Variants in TACC3 observed in about 807,000 individuals in gnomAD.
The protein encoded by TACC3 is transforming acidic coiled-coil containing protein 3, also known as transforming acidic coiled-coil-containing protein 3.
Under a neutral mutation model 86.0 loss-of-function variants are expected in TACC3, and 52 were observed. The ratio of observed to expected loss-of-function variants is 0.60; its 90% CI spans 0.48 to 0.76. The LOEUF is 0.76. TACC3 is among the 30% of genes least tolerant of loss of function. The pLI is 0.00. For synonymous variants in TACC3, 512 were observed against 430.0 expected (o/e 1.19, Z -2.36); for missense variants, 1,120 against 1,070.4 (o/e 1.05, Z -0.65).
intron 6 of TACC3, among the ~76,000 whole-genome samples, chr4:1,733,490 C>CA (rs1205845016): frequency 1.9e-4 from 22 of 118,614 alleles, no homozygotes; most frequent in African/African-American, 5.0e-4. Context: ...TCATCTCTAC[C>CA]AAAAAAAACC....
Position 1,737,787 on chromosome 4 carries a change from G to C in TACC3, c.1941+85G>C, listed in dbSNP as rs561876281. On this transcript the variant is annotated intron_variant, in intron 10 of 15. Transcript: ENST00000313288. Reference sequence around the variant, plus strand: ...ACAGTGGGCAGGGGTCCAACAGCCTGACCCGCCATCCCTGCCATCCCTGCC... The same window carrying C: ...ACAGTGGGCAGGGGTCCAACAGCCTCACCCGCCATCCCTGCCATCCCTGCC... The C allele has an allele frequency of 2.4e-6, 3 of 1,230,578 alleles. No homozygotes were observed. The East Asian group carries it at 8.1e-5, about 33-fold the overall frequency. 76.2% of individuals were successfully genotyped at this position (1,230,578 alleles called of 1,614,324 possible).
intron 9 of TACC3, 111 bp from the exon 10 acceptor site, chr4:1,737,487 T>C: frequency 9.0e-7 from 1 of 1,116,676 alleles, no homozygotes; most frequent in African/African-American, 1.6e-5. Context: ...CTCGGGTCCC[T>C]CATGCACTGT....
At chr4:1,739,642 G>A in intron 10 of TACC3, 60 bp from the exon 11 acceptor site, 4 of 1,489,074 alleles carry the variant, frequency 2.7e-6, no homozygotes, top group Non-Finnish European at 3.7e-6. Context: ...ATCCTGTGGG[G>A]AGGTCCTGGG....
At chr4:1,734,384 C>G (rs1718152050) in intron 6 of TACC3, among the ~76,000 whole-genome samples, 1 of 152,128 alleles carries the variant, frequency 6.6e-6, no homozygotes, top group Admixed American at 6.5e-5. Flanking sequence ...GACAGGGTTT[C>G]CCCATGTTGG....
intron 3 of TACC3, among the ~76,000 whole-genome samples, chr4:1,724,560 A>G (rs1717594013): frequency 6.6e-6 from 1 of 151,208 alleles, no homozygotes; most frequent in Non-Finnish European, 1.5e-5. Context: ...CTCCCGGCTA[A>G]TTTTTTAGCC....
chr4:1,739,398 A>G (rs1718450799), intron 10 of TACC3: 4 of 478,440 alleles, frequency 8.4e-6, no homozygotes, highest in South Asian at 3.3e-5. Context: ...TAGGACCCCT[A>G]GTATCTGCCA....
At chr4:1,730,438 T>C (rs559400347) in intron 4 of TACC3, 1 of 302,710 alleles carries the variant, frequency 3.3e-6, no homozygotes, top group South Asian at 2.9e-5. Context: ...ATCATATCTA[T>C]AATCTATTTC....
At position 1,744,558 on chromosome 4, in the gene TACC3, C is replaced by T; in HGVS notation, c.2264C>T (p.Ala755Val). The change falls in exon 14 of 16, where the codon GCA becomes GTA. Residue 755 changes from alanine to valine, a missense_variant. Coordinates refer to ENST00000313288, the MANE Select transcript of TACC3 (RefSeq NM_006342.3). ...AAGAAGTGCGTGGAGGATTACCTGGCAAGGATCACCCAGGAGGGCCAGAGG... is the reference window on the plus strand; with the variant it reads ...AAGAAGTGCGTGGAGGATTACCTGGTAAGGATCACCCAGGAGGGCCAGAGG... Reference protein sequence around the residue: ...SLKKCVEDYLARITQEGQRYQ... With the variant: ...SLKKCVEDYLVRITQEGQRYQ... 1 of 1,613,238 alleles carries T rather than the reference C, an allele frequency of 6.2e-7. No homozygotes were observed. The highest frequency in any genetic ancestry group is 8.5e-7 in the Non-Finnish European group (1 of 1,179,978).
chr4:1,729,886 T>G (rs921421443), intron 4 of TACC3, among the ~76,000 whole-genome samples: 1 of 152,080 alleles, frequency 6.6e-6, no homozygotes, highest in Non-Finnish European at 1.5e-5. Context: ...AACGGGTGCC[T>G]TCCCAAGTGC....
intron 12 of TACC3, chr4:1,740,439 G>T: frequency 3.1e-6 from 1 of 326,130 alleles, no homozygotes; most frequent in Non-Finnish European, 5.7e-6. Flanking sequence ...TCTGTCTTAG[G>T]CTGAGTGTCA....
In TACC3 at chr4:1,727,708, C is replaced by T. The variant is rs1717758337; in HGVS notation, c.306C>T (p.Asn102=). The change falls in exon 4 of 16, where the codon AAC becomes AAT. Residue 102 remains asparagine (N), a splice_region_variant and synonymous_variant. Coordinates refer to ENST00000313288, the MANE Select transcript of TACC3 (RefSeq NM_006342.3). ...ACGTTGATTAAGTCTCTTTTAAAAG[C>T]CAACAGCTCATCAAGGAAGTGGATG... ...NSHPVWTQKE[N]QQLIKEVDAK... The T allele has an allele frequency of 6.3e-7, 1 of 1,575,496 alleles. No individual in the cohort carries two copies. The highest frequency in any genetic ancestry group is 2.2e-5 in the East Asian group (1 of 44,522).
intron 6 of TACC3, among the ~76,000 whole-genome samples, chr4:1,733,502 T>C (rs1718103570): frequency 1.5e-5 from 1 of 68,198 alleles, no homozygotes; most frequent in Non-Finnish European, 3.6e-5. Flanking sequence ...AAAAAAACCT[T>C]TTTTTTTATT....
In TACC3 at chr4:1,723,580, G is replaced by A. The variant is rs777648354; in HGVS notation, c.159G>A (p.Met53Ile). 2 of 1,613,010 alleles carry A rather than the reference G, an allele frequency of 1.2e-6. No homozygotes were observed. Among genetic ancestry groups the A allele is most frequent in the Non-Finnish European group, 1.7e-6 (2 of 1,179,518 alleles). Reference protein sequence around the residue: ...NVPPKNLAKAMKVTFQTPLRD... With the variant: ...NVPPKNLAKAIKVTFQTPLRD... ...CACCCAAGAACCTGGCCAAAGCTATGAAGGTAAGTGTGACCTGTACAGTGT... is the reference window on the plus strand; with the variant it reads ...CACCCAAGAACCTGGCCAAAGCTATAAAGGTAAGTGTGACCTGTACAGTGT... Residue 53 changes from methionine to isoleucine, a missense_variant, in exon 2 of 16, where the codon ATG becomes ATA. Met to Ile is a conservative substitution (Grantham distance 10). Coordinates refer to ENST00000313288, the MANE Select transcript of TACC3 (RefSeq NM_006342.3).
intron 13 of TACC3, chr4:1,741,840 G>A (rs577097868): frequency 3.9e-5 from 6 of 152,370 alleles, no homozygotes; most frequent in African/African-American, 9.6e-5. Flanking sequence ...AGGGAAGAAG[G>A]TATCTTATGC....
At chr4:1,733,927 G>A (rs527597400) in intron 6 of TACC3, among the ~76,000 whole-genome samples, 6 of 150,326 alleles carry the variant, frequency 4.0e-5, no homozygotes, top group Non-Finnish European at 7.4e-5. Context: ...GCAGTGAGCC[G>A]AGATGGCGCC....
rs780748378 is a variant in TACC3, at chr4:1,728,215, A to G, written c.813A>G (p.Glu271=). ...GGAPLQGLPG[E]ALGCPAGVGT... is the part of the protein sequence containing the mutation. ...CACCCCTGCAGGGTCTGCCTGGCGAAGCCCTGGGCTGCCCTGCGGGTGTGG... is the reference window on the plus strand; with the variant it reads ...CACCCCTGCAGGGTCTGCCTGGCGAGGCCCTGGGCTGCCCTGCGGGTGTGG... Residue 271 remains glutamate, a synonymous_variant, in exon 4 of 16, where the codon GAA becomes GAG. Coordinates refer to ENST00000313288, the MANE Select transcript of TACC3 (RefSeq NM_006342.3). 1 of 1,612,110 alleles carries G rather than the reference A, an allele frequency of 6.2e-7. No homozygotes were observed. Among genetic ancestry groups the G allele is most frequent in the Admixed American group, 1.7e-5 (1 of 59,940 alleles).
chr4:1,738,089 C>T (rs28557273), intron 10 of TACC3: 10,592 of 357,420 alleles, frequency 0.03, 267 homozygotes, highest in South Asian at 0.069. Flanking sequence ...GCTCCATCTT[C>T]ACCCACCCCA....
Position 1,739,974 on chromosome 4 carries a change from GT to G in TACC3, c.2036del (p.Phe679SerfsTer27). 1.2e-6 allele frequency: 2 copies of G among 1,613,126 alleles called. No homozygotes were observed. Among genetic ancestry groups the G allele is most frequent in the Non-Finnish European group, 1.7e-6 (2 of 1,180,016 alleles). On this transcript the variant is annotated frameshift_variant, in exon 12 of 16. Transcript: ENST00000313288. LOFTEE classifies it high-confidence loss of function. ...CCTCCCACAGGAAGATCATGGACAG[GT>G]TCGAAGAGGTTGTGTACCAGGCCAT... ...NLELGKIMDR[F>X]EEVVYQAMEE...
At chr4:1,723,953 T>C (rs1235523325) in intron 3 of TACC3, 83 bp downstream of exon 3, 4 of 1,494,480 alleles carry the variant, frequency 2.7e-6, no homozygotes, top group Non-Finnish European at 3.7e-6. Flanking sequence ...TCTTGTTCTA[T>C]CAGGCCTTGG....
Sources: gnomAD v4.1 joint callset for allele counts (sites outside exome capture counted in the v4.1 genomes callset) on GRCh38, gnomAD v4.1.1 for gene constraint, MANE v1.5 for transcripts, NCBI Gene and HGNC (gene_info 2026-07-23, HGNC 2026-07-21) for gene names.